The following NEGR1 variants were observed in gnomAD, a reference collection of about 807,000 sequenced individuals.
NEGR1 encodes the protein IgLON family member 4.
In NEGR1, 10 loss-of-function variants were observed where a neutral mutation model predicts 40.9. The observed-to-expected ratio is 0.24, with a 90% CI of 0.15 to 0.42. The LOEUF is 0.42. Ranked by LOEUF, NEGR1 falls within the 10% of genes least tolerant of loss-of-function variation. NEGR1 has a pLI of 1.00. For missense variants in NEGR1, 352 were observed against 438.9 expected (o/e 0.80, Z 1.77); for synonymous variants, 185 against 166.8 (o/e 1.11, Z -0.84).
chr1:71,849,060 G>A (rs547133062), intron 2 of NEGR1, among the ~76,000 whole-genome samples: 7 of 151,700 alleles, frequency 4.6e-5, no homozygotes, highest in Non-Finnish European at 8.8e-5. Context: ...CGGCACTCCA[G>A]TGTGGGTGAC....
At chr1:72,098,962 T>C (rs1267412658) in intron 1 of NEGR1, among the ~76,000 whole-genome samples, 1 of 152,002 alleles carries the variant, frequency 6.6e-6, no homozygotes, top group Non-Finnish European at 1.5e-5. Context: ...TTAACAGATT[T>C]TATACTAAAA....
chr1:71,719,748 G>T (rs983568009), intron 3 of NEGR1, among the ~76,000 whole-genome samples: 18 of 151,926 alleles, frequency 1.2e-4, no homozygotes, highest in Admixed American at 1.2e-3. Context: ...TTTACATTAG[G>T]TATTTCTCCT....
chr1:72,265,938 C>A (rs17525824), intron 1 of NEGR1, among the ~76,000 whole-genome samples: 34,631 of 150,370 alleles, frequency 0.23, 4,830 homozygotes, highest in South Asian at 0.31. Context: ...ACAGTATGTA[C>A]TCTAGAATTG....
At chr1:71,943,031 CACAT>C (rs1004463994) in intron 1 of NEGR1, among the ~76,000 whole-genome samples, 3 of 123,420 alleles carry the variant, frequency 2.4e-5, no homozygotes, top group Non-Finnish European at 3.6e-5. Flanking sequence ...TATATATACA[CACAT>C]ACATATATAT....
intron 4 of NEGR1, among the ~76,000 whole-genome samples, chr1:71,677,508 CAT>C (rs144363803): frequency 0.014 from 2,105 of 152,230 alleles, 23 homozygotes; most frequent in Middle Eastern, 0.051. Flanking sequence ...GTAAAGTTAT[CAT>C]ATTTATTTTA....
intron 1 of NEGR1, among the ~76,000 whole-genome samples, chr1:72,005,672 TA>T (rs1440823627): frequency 2.0e-5 from 3 of 152,166 alleles, no homozygotes; most frequent in Non-Finnish European, 1.5e-5. Flanking sequence ...TGTTTATTCA[TA>T]AATCAAGTTT....
intron 1 of NEGR1, among the ~76,000 whole-genome samples, chr1:72,147,337 T>C (rs55777234): frequency 0.23 from 34,276 of 151,658 alleles, 4,442 homozygotes; most frequent in South Asian, 0.3. Context: ...AAGAGAAAAA[T>C]GAGGAAAAAG....
At chr1:71,512,707 G>A (rs558456369) in intron 6 of NEGR1, among the ~76,000 whole-genome samples, 61 of 151,004 alleles carry the variant, frequency 4.0e-4, no homozygotes, top group Non-Finnish European at 7.7e-4. Flanking sequence ...TCAACCTCCC[G>A]AGTAGCTGGG....
chr1:71,479,102 A>G (rs951922774), intron 6 of NEGR1, among the ~76,000 whole-genome samples: 7 of 151,998 alleles, frequency 4.6e-5, no homozygotes, highest in Non-Finnish European at 1.0e-4. Context: ...GTTTTTTTCC[A>G]TATGAAATAG....
At chr1:71,908,496 C>T (rs1175786537) in intron 2 of NEGR1, among the ~76,000 whole-genome samples, 4 of 152,102 alleles carry the variant, frequency 2.6e-5, no homozygotes, top group Non-Finnish European at 5.9e-5. Context: ...AGGAACACAG[C>T]CAGGATCTTA....
At chr1:71,987,620 A>G (rs1374123883) in intron 1 of NEGR1, among the ~76,000 whole-genome samples, 1 of 152,172 alleles carries the variant, frequency 6.6e-6, no homozygotes, top group African/African-American at 2.4e-5. Flanking sequence ...GTTAGAGCAT[A>G]TTGGAGAAGA....
At chr1:72,041,918 CAT>C (rs1646958776) in intron 1 of NEGR1, among the ~76,000 whole-genome samples, 1 of 138,036 alleles carries the variant, frequency 7.2e-6, no homozygotes, top group Admixed American at 7.4e-5. Context: ...ATATATATTA[CAT>C]GTTTATATAT....
chr1:71,507,768 G>A (rs1213931904), intron 6 of NEGR1, among the ~76,000 whole-genome samples: 3 of 152,150 alleles, frequency 2.0e-5, no homozygotes, highest in African/African-American at 7.2e-5. Context: ...GGGTGTTAAG[G>A]GGAATTATAA....
chr1:72,248,575 T>TTTTTTATTATTA (rs376504975), intron 1 of NEGR1, among the ~76,000 whole-genome samples: 53 of 132,944 alleles, frequency 4.0e-4, no homozygotes, highest in South Asian at 1.2e-3. Flanking sequence ...TCTATTTTTA[T>TTTTTTATTATTA]TTATTATTAT....
chr1:71,880,347 A>G (rs1413358018), intron 2 of NEGR1, among the ~76,000 whole-genome samples: 2 of 152,108 alleles, frequency 1.3e-5, no homozygotes, highest in Non-Finnish European at 2.9e-5. Flanking sequence ...TCTTAGGATT[A>G]AAAGAATATT....
chr1:71,783,837 C>CCAGTCCATCCATCCAT (rs1553165040), intron 2 of NEGR1, among the ~76,000 whole-genome samples: 1 of 136,826 alleles, frequency 7.3e-6, no homozygotes, highest in African/African-American at 2.5e-5. Context: ...CATCCATCCA[C>CCAGTCCATCCATCCAT]CCGTCCATCC....
intron 1 of NEGR1, among the ~76,000 whole-genome samples, chr1:71,944,394 A>T (rs1645999072): frequency 6.6e-6 from 1 of 152,128 alleles, no homozygotes; most frequent in Non-Finnish European, 1.5e-5. Context: ...CCTCTTTGGG[A>T]TGGAGCCAGG....
At chr1:71,811,171 G>A (rs1323666639) in intron 2 of NEGR1, among the ~76,000 whole-genome samples, 4 of 151,934 alleles carry the variant, frequency 2.6e-5, no homozygotes, top group Non-Finnish European at 5.9e-5. Context: ...AAATCCTTCG[G>A]GGAACTGTAA....
chr1:71,722,398 A>G (rs1468544488), intron 3 of NEGR1, among the ~76,000 whole-genome samples: 1 of 152,144 alleles, frequency 6.6e-6, no homozygotes, highest in Non-Finnish European at 1.5e-5. Flanking sequence ...AAGTAAAATT[A>G]CATAGCATTA....
Sources: gnomAD v4.1 joint callset for allele counts (sites outside exome capture counted in the v4.1 genomes callset) on GRCh38, gnomAD v4.1.1 for gene constraint, MANE v1.5 for transcripts, NCBI Gene and HGNC (gene_info 2026-07-23, HGNC 2026-07-21) for gene names.